Variants in SAMTOR observed in about 807,000 individuals in gnomAD.
SAMTOR encodes the protein UPF0532 protein C7orf60.
At chr7:112,896,266 G>A in the SAMTOR span, among the ~76,000 whole-genome samples, 2 of 152,034 alleles carry the variant, frequency 1.3e-5, no homozygotes, top group African/African-American at 4.8e-5. Flanking sequence ...TATGGAGAGC[G>A]AGCGAGCTCA....
chr7:112,834,876 G>A, the SAMTOR span, among the ~76,000 whole-genome samples: 1 of 152,028 alleles, frequency 6.6e-6, no homozygotes, highest in South Asian at 2.1e-4. Flanking sequence ...GGTAAGTGAA[G>A]TACCATAAGA....
the SAMTOR span, among the ~76,000 whole-genome samples, chr7:112,927,460 A>C: frequency 6.6e-6 from 1 of 152,116 alleles, no homozygotes; most frequent in South Asian, 2.1e-4. Flanking sequence ...ATTAATAATT[A>C]GCCTTATGAT....
chr7:112,910,723 T>G, the SAMTOR span, among the ~76,000 whole-genome samples: 1 of 152,042 alleles, frequency 6.6e-6, no homozygotes, highest in Admixed American at 6.6e-5. Flanking sequence ...TGCAAAAATA[T>G]CTGACCTGAA....
chr7:112,842,224 A>G, the SAMTOR span, among the ~76,000 whole-genome samples: 13 of 152,142 alleles, frequency 8.5e-5, no homozygotes, highest in East Asian at 2.5e-3. Context: ...TACAAGGTTT[A>G]AAGTTTTGTG....
chr7:112,891,795 G>A, the SAMTOR span, among the ~76,000 whole-genome samples: 1 of 152,188 alleles, frequency 6.6e-6, no homozygotes, highest in Non-Finnish European at 1.5e-5. Flanking sequence ...CATCATTTGA[G>A]CCTCCAGCAA....
the SAMTOR span, among the ~76,000 whole-genome samples, chr7:112,936,192 T>C: frequency 1.3e-5 from 2 of 152,226 alleles, no homozygotes; most frequent in Admixed American, 1.3e-4. Context: ...CTTATGAATA[T>C]CTTATGAATA....
the SAMTOR span, among the ~76,000 whole-genome samples, chr7:112,904,193 T>C: frequency 6.6e-6 from 1 of 152,040 alleles, no homozygotes; most frequent in African/African-American, 2.4e-5. Context: ...CATAATAAAG[T>C]TTACCTTATT....
chr7:112,876,447 T>C, the SAMTOR span, among the ~76,000 whole-genome samples: 1 of 152,142 alleles, frequency 6.6e-6, no homozygotes, highest in Non-Finnish European at 1.5e-5. Flanking sequence ...TTTTACCCCA[T>C]AATATGTTCT....
chr7:112,899,230 C>T, the SAMTOR span, among the ~76,000 whole-genome samples: 2 of 151,892 alleles, frequency 1.3e-5, no homozygotes, highest in Non-Finnish European at 2.9e-5. Context: ...GGAAATTTAA[C>T]AAAGAGATTA....
the SAMTOR span, among the ~76,000 whole-genome samples, chr7:112,837,034 G>A: frequency 1.3e-5 from 2 of 152,210 alleles, no homozygotes; most frequent in Non-Finnish European, 2.9e-5. Flanking sequence ...TGCTTTGACA[G>A]TATGGCCATT....
the SAMTOR span, among the ~76,000 whole-genome samples, chr7:112,863,681 T>G: frequency 6.6e-6 from 1 of 152,202 alleles, no homozygotes. Flanking sequence ...AAGAAAAGCT[T>G]GATATCACTT....
chr7:112,822,095 C>A, the SAMTOR span: 1 of 1,613,650 alleles, frequency 6.2e-7, no homozygotes, highest in African/African-American at 1.3e-5. Context: ...AGCTTTTCAT[C>A]ATCATAGCAT....
chr7:112,847,973 T>C, the SAMTOR span, among the ~76,000 whole-genome samples: 305 of 152,048 alleles, frequency 2.0e-3, 1 homozygote, highest in African/African-American at 7.0e-3. Flanking sequence ...TCACTGTCTC[T>C]TCAAAAAATT....
the SAMTOR span, among the ~76,000 whole-genome samples, chr7:112,931,035 AG>A: frequency 2.0e-5 from 3 of 152,236 alleles, no homozygotes; most frequent in Non-Finnish European, 2.9e-5. Context: ...GCAGTTATTT[AG>A]TCTCTGCAAC....
At chr7:112,863,171 AC>A in the SAMTOR span, among the ~76,000 whole-genome samples, 8 of 152,218 alleles carry the variant, frequency 5.3e-5, no homozygotes, top group Non-Finnish European at 8.8e-5. Context: ...ACTCAAAGAA[AC>A]AAGCAATGGA....
chr7:112,863,650 C>T, the SAMTOR span, among the ~76,000 whole-genome samples: 1 of 152,164 alleles, frequency 6.6e-6, no homozygotes, highest in African/African-American at 2.4e-5. Flanking sequence ...AGATGACATA[C>T]ACACAGCCAA....
chr7:112,918,214 A>T, the SAMTOR span, among the ~76,000 whole-genome samples: 8 of 152,358 alleles, frequency 5.3e-5, no homozygotes, highest in South Asian at 6.2e-4. Flanking sequence ...CGGGTTACCC[A>T]CAAAGGGAAG....
chr7:112,845,659 T>TA, the SAMTOR span, among the ~76,000 whole-genome samples: 1 of 152,176 alleles, frequency 6.6e-6, no homozygotes, highest in Middle Eastern at 3.2e-3. Flanking sequence ...GTTCAACCGT[T>TA]ATGGAAAGCA....
the SAMTOR span, among the ~76,000 whole-genome samples, chr7:112,869,578 C>A: frequency 6.6e-6 from 1 of 151,124 alleles, no homozygotes; most frequent in African/African-American, 2.4e-5. Flanking sequence ...AAAAAAAAAC[C>A]ATCCCAATGA....
Sources: gnomAD v4.1 joint callset for allele counts (sites outside exome capture counted in the v4.1 genomes callset) on GRCh38, gnomAD v4.1.1 for gene constraint, MANE v1.5 for transcripts, NCBI Gene and HGNC (gene_info 2026-07-23, HGNC 2026-07-21) for gene names.